The following ALK variants were observed in gnomAD, a reference collection of about 807,000 sequenced individuals.
ALK encodes the protein ALK tyrosine kinase receptor.
A neutral mutation model predicts 163.1 loss-of-function variants in ALK; 74 were observed. The observed-to-expected ratio is 0.45, with a 90% confidence interval of 0.38 to 0.55. ALK has a LOEUF of 0.55. ALK is among the 20% of genes least tolerant of loss of function. The pLI is 0.00. For synonymous variants in ALK, 960 were observed against 843.2 expected (o/e 1.14, Z -2.40); for missense variants, 2,063 against 2,105.3 (o/e 0.98, Z 0.39).
chr2:29,276,834 G>A (rs1003297474), intron 9 of ALK, among the ~76,000 whole-genome samples: 3 of 152,194 alleles, frequency 2.0e-5, no homozygotes, highest in Admixed American at 6.5e-5. Flanking sequence ...GCTGGGAGTG[G>A]GCACAGGATT....
chr2:29,851,551 C>T lies in ALK; in HGVS notation c.667+68442G>A, dbSNP rs182682279. On this transcript the variant is annotated intron_variant, in intron 1 of 28. Transcript: ENST00000389048. ...AATGCCTAGACCAGTTGTTCTCAAG[C>T]TTAGGTAGGAATCAGGCACTCCTGG... is the stretch of plus-strand genomic sequence containing the variant. Among the ~76,000 whole-genome samples the T allele has an allele frequency of 5.0e-3, 754 of 152,274 alleles. 6 individuals carry two copies. Among genetic ancestry groups the T allele is most frequent in the African/African-American group, 0.016 (666 of 41,546 alleles).
chr2:29,391,636 C>T (rs941935628), intron 4 of ALK, among the ~76,000 whole-genome samples: 1 of 152,134 alleles, frequency 6.6e-6, no homozygotes, highest in African/African-American at 2.4e-5. Flanking sequence ...CTTCTAACTT[C>T]CCCTTTTTTT....
chr2:29,705,270 T>TATATATATAA (rs1167601148), intron 2 of ALK, among the ~76,000 whole-genome samples: 1 of 64,196 alleles, frequency 1.6e-5, no homozygotes, highest in African/African-American at 7.5e-5. Context: ...TATATATATA[T>TATATATATAA]ATATATATAT....
chr2:29,319,194 T>C (rs77565142), intron 7 of ALK: 10,167 of 152,338 alleles, frequency 0.067, 364 homozygotes, highest in South Asian at 0.13. Context: ...GGAAGAAGCA[T>C]CTGCAAACTT....
Position 29,318,386 on chromosome 2 carries a change from C to A in ALK, c.1565G>T (p.Ser522Ile), listed in dbSNP as rs1553409333. The change falls in exon 8 of 29, where the codon AGT (serine) becomes ATT (isoleucine). Residue 522 changes from serine (S) to isoleucine (I), a missense_variant. Ser to Ile is a moderately radical substitution (Grantham distance 142). This residue lies in a region of ALK where 987 missense variants were observed against 939.5 expected (regional missense o/e 1.05). Coordinates refer to ENST00000389048, the MANE Select transcript of ALK (RefSeq NM_004304.5). The part of the protein sequence containing the change: ...QDHQDHALLL[S>I]TTDVPASESA... Reference sequence around the variant, plus strand: ...TTCAGAAGCGGGGACATCAGTGGTACTGAGCAATAGAGCATGGTCTAGGAG... The same window carrying A: ...TTCAGAAGCGGGGACATCAGTGGTAATGAGCAATAGAGCATGGTCTAGGAG... 6.2e-7 allele frequency: 1 copy of A among 1,613,346 alleles called. No homozygotes were observed. Among genetic ancestry groups the A allele is most frequent in the Non-Finnish European group, 8.5e-7 (1 of 1,179,314 alleles).
At chr2:29,465,514 T>TA (rs1558336267) in intron 4 of ALK, among the ~76,000 whole-genome samples, 3 of 152,036 alleles carry the variant, frequency 2.0e-5, no homozygotes, top group Admixed American at 2.0e-4. Flanking sequence ...GCCAACATGG[T>TA]GAAACTCTGT....
intron 1 of ALK, among the ~76,000 whole-genome samples, chr2:29,901,427 A>T (rs1027187564): frequency 1.3e-5 from 2 of 152,216 alleles, no homozygotes; most frequent in African/African-American, 4.8e-5. Context: ...GACAAAGAGG[A>T]TTAAACTAAA....
intron 23 of ALK, among the ~76,000 whole-genome samples, chr2:29,217,589 T>A (rs1390564730): frequency 6.6e-6 from 1 of 152,138 alleles, no homozygotes; most frequent in African/African-American, 2.4e-5. Flanking sequence ...TCATTTCATG[T>A]TTGCACAGAT....
intron 1 of ALK, among the ~76,000 whole-genome samples, chr2:29,745,270 G>T (rs1330301732): frequency 6.6e-6 from 1 of 152,168 alleles, no homozygotes; most frequent in Non-Finnish European, 1.5e-5. Context: ...TTAGGAAGTG[G>T]TTGAGGTAGA....
At chr2:29,260,545 A>G (rs1434588916) in intron 11 of ALK, among the ~76,000 whole-genome samples, 4 of 152,176 alleles carry the variant, frequency 2.6e-5, no homozygotes, top group Non-Finnish European at 5.9e-5. Flanking sequence ...GTTCAAAAAT[A>G]TGGCAGTTTG....
chr2:29,549,250 A>G (rs557773660), intron 3 of ALK, among the ~76,000 whole-genome samples: 2 of 152,272 alleles, frequency 1.3e-5, no homozygotes, highest in African/African-American at 4.8e-5. Flanking sequence ...CACAGTTTTA[A>G]AAAGATTGAA....
intron 1 of ALK, among the ~76,000 whole-genome samples, chr2:29,723,303 G>T (rs546030633): frequency 6.6e-6 from 1 of 152,286 alleles, no homozygotes; most frequent in African/African-American, 2.4e-5. Flanking sequence ...AGCCGAGGAA[G>T]CTCCTCCTAC....
chr2:29,679,116 A>G, intron 3 of ALK, among the ~76,000 whole-genome samples: 1 of 152,048 alleles, frequency 6.6e-6, no homozygotes, highest in South Asian at 2.1e-4. Context: ...TTATCATTAT[A>G]AAATATACTG....
intron 3 of ALK, among the ~76,000 whole-genome samples, chr2:29,676,655 A>AT (rs780313162): frequency 2.4e-4 from 37 of 152,124 alleles, no homozygotes; most frequent in Non-Finnish European, 3.5e-4. Flanking sequence ...TTCCATATAA[A>AT]TTTTAAGTTA....
intron 1 of ALK, among the ~76,000 whole-genome samples, chr2:29,828,333 A>G (rs1261571062): frequency 6.6e-6 from 1 of 152,210 alleles, no homozygotes; most frequent in African/African-American, 2.4e-5. Flanking sequence ...GAATTAAACT[A>G]AAGAGCTTCT....
intron 4 of ALK, among the ~76,000 whole-genome samples, chr2:29,487,848 T>C (rs935429008): frequency 6.6e-6 from 1 of 152,290 alleles, no homozygotes; most frequent in Non-Finnish European, 1.5e-5. Context: ...TCACAGCTTA[T>C]GCATCTCCCT....
chr2:29,876,404 G>A lies in ALK; in HGVS notation c.667+43589C>T, dbSNP rs540017350. On this transcript the variant is annotated intron_variant, in intron 1 of 28. Coordinates refer to ENST00000389048, the MANE Select transcript of ALK (RefSeq NM_004304.5). ...TGATAATGATGATGGTGATGATGGT[G>A]GTGATGGTGATGTGGTGTGGTGATG... Among the ~76,000 whole-genome samples the A allele has an allele frequency of 6.4e-3, 971 of 151,750 alleles. 5 individuals are homozygous for A. Among genetic ancestry groups the A allele is most frequent in the African/African-American group, 0.016 (667 of 41,366 alleles).
intron 1 of ALK, among the ~76,000 whole-genome samples, chr2:29,775,424 C>T (rs771143963): frequency 3.4e-4 from 51 of 152,016 alleles, no homozygotes; most frequent in Non-Finnish European, 6.3e-4. Context: ...GAAATCCCTC[C>T]TAAATAACTG....
intron 1 of ALK, among the ~76,000 whole-genome samples, chr2:29,893,817 C>G (rs1667205265): frequency 6.6e-6 from 1 of 152,110 alleles, no homozygotes; most frequent in South Asian, 2.1e-4. Flanking sequence ...TGGGGAAAAG[C>G]ATGGAGCTGA....
Sources: allele counts gnomAD v4.1 joint callset (sites outside exome capture counted in the v4.1 genomes callset), GRCh38; gene constraint gnomAD v4.1.1; regional missense constraint gnomAD v4.1.1; transcripts MANE v1.5; gene names NCBI Gene and HGNC (gene_info 2026-07-23, HGNC 2026-07-21).